Variants in GRID1 observed in about 807,000 individuals in gnomAD.
GRID1 encodes glutamate receptor ionotropic, delta-1.
In GRID1, 28 loss-of-function variants were observed where a neutral mutation model predicts 98.0. That is an observed-to-expected ratio of 0.29 (90% CI 0.21 to 0.39). The LOEUF (loss-of-function observed/expected upper bound fraction) is 0.39, where lower values mean the gene tolerates loss of function less well. Ranked by LOEUF, GRID1 falls within the 10% of genes least tolerant of loss-of-function variation. GRID1 has a pLI of 1.00. For synonymous variants in GRID1, 553 were observed against 538.5 expected (o/e 1.03, Z -0.37); for missense variants, 1,111 against 1,340.5 (o/e 0.83, Z 2.67).
intron 13 of GRID1, among the ~76,000 whole-genome samples, chr10:85,620,598 A>G (rs1480085657): frequency 1.3e-5 from 2 of 152,198 alleles, no homozygotes; most frequent in Non-Finnish European, 1.5e-5. Context: ...GCACATGTCT[A>G]GAGCCCCCTG....
chr10:86,275,579 C>G (rs1376763102), intron 2 of GRID1, among the ~76,000 whole-genome samples: 1 of 151,954 alleles, frequency 6.6e-6, no homozygotes, highest in Admixed American at 6.6e-5. Context: ...AAAAGATTAA[C>G]ATTAATTTTT....
rs1480387731 is a variant in GRID1 at position 86,365,179 on chromosome 10, C to T, written c.80-1083G>A. 6.6e-6 allele frequency among the ~76,000 whole-genome samples: 1 copy of T among 152,156 alleles called. No individual in the cohort carries two copies. Among genetic ancestry groups the T allele is most frequent in the African/African-American group, 2.4e-5 (1 of 41,442 alleles). On this transcript the variant is annotated intron_variant, in intron 1 of 15. Transcript: ENST00000327946. The surrounding 1 kb of genome is among the most constrained non-coding windows in gnomAD (Gnocchi z 4.8). ...CCAGGGCGGGAAGCAGGTTTGGTCA[C>T]GGGCCCCTGAGGAGGAATCGTAGCT...
Position 85,647,193 on chromosome 10 carries a change from C to A in GRID1, c.2193+9G>T. 6.2e-7 allele frequency: 1 copy of A among 1,613,306 alleles called. No homozygotes were observed. Among genetic ancestry groups the A allele is most frequent in the Non-Finnish European group, 8.5e-7 (1 of 1,179,240 alleles). ...CAGTGCACGTGCCCAAGCGCCAGCT[C>A]CTGCCTACCTTCCTGATGCCTTCTG... is the stretch of plus-strand genomic sequence containing the variant. On this transcript the variant is annotated intron_variant, in intron 13 of 15. Coordinates refer to ENST00000327946, the MANE Select transcript of GRID1 (RefSeq NM_017551.3).
chr10:85,699,790 A>T lies in GRID1; in HGVS notation c.1997+23213T>A, dbSNP rs145003786. 6.2e-3 allele frequency among the ~76,000 whole-genome samples: 945 copies of T among 152,270 alleles called. 6 individuals are homozygous for T. Among genetic ancestry groups the T allele is most frequent in the South Asian group, 0.02 (95 of 4,824 alleles). Reference sequence around the variant, plus strand: ...GTGCAGATTTGTGGACACAAGACAAATCTCTAATTATAGATTGCCTATCTT... The same window carrying T: ...GTGCAGATTTGTGGACACAAGACAATTCTCTAATTATAGATTGCCTATCTT... On this transcript the variant is annotated intron_variant, in intron 12 of 15. Coordinates refer to ENST00000327946, the MANE Select transcript of GRID1 (RefSeq NM_017551.3).
chr10:85,897,529 CAT>C (rs1841310643), intron 5 of GRID1, among the ~76,000 whole-genome samples: 1 of 152,186 alleles, frequency 6.6e-6, no homozygotes, highest in Non-Finnish European at 1.5e-5. Flanking sequence ...GCTCGGAAAA[CAT>C]ATCATCATGC....
At chr10:86,176,002 C>T (rs113119814) in intron 3 of GRID1, among the ~76,000 whole-genome samples, 2,970 of 152,246 alleles carry the variant, frequency 0.02, 85 homozygotes, top group East Asian at 0.08. Context: ...AGCCACCACA[C>T]CCGGCCTAAT....
intron 15 of GRID1, chr10:85,607,102 C>A (rs1842676870): frequency 6.6e-6 from 1 of 152,202 alleles, no homozygotes; most frequent in Non-Finnish European, 1.5e-5. Context: ...GACAGATGCA[C>A]CAACAGAGGT....
At chr10:86,238,138 A>T (rs1846570557) in intron 2 of GRID1, among the ~76,000 whole-genome samples, 1 of 152,252 alleles carries the variant, frequency 6.6e-6, no homozygotes, top group Non-Finnish European at 1.5e-5. Flanking sequence ...GAATTCAAGC[A>T]GGCTGCAGAA....
rs371486795 is a variant in GRID1 at position 86,354,828 on chromosome 10, A to G, written c.235+9113T>C. 9.2e-5 allele frequency among the ~76,000 whole-genome samples: 14 copies of G among 152,332 alleles called. No individual in the cohort carries two copies. The East Asian group carries it at 1.5e-3, about 17-fold the overall frequency. ...GTGCCGTGACAGGCCACAGGTTCCC[A>G]GAGCCCCAGCCTATACAGATGGCTC... On this transcript the variant is annotated intron_variant, in intron 2 of 15. Transcript: ENST00000327946.
At chr10:86,286,567 C>T (rs941158546) in intron 2 of GRID1, among the ~76,000 whole-genome samples, 5 of 152,194 alleles carry the variant, frequency 3.3e-5, no homozygotes, top group African/African-American at 1.2e-4. Flanking sequence ...CCACAAATGG[C>T]TTCTCCGTGG....
chr10:85,896,474 GAACTTC>G (rs1280952337), intron 5 of GRID1, among the ~76,000 whole-genome samples: 1 of 152,124 alleles, frequency 6.6e-6, no homozygotes, highest in African/African-American at 2.4e-5. Flanking sequence ...GACCTTTTCT[GAACTTC>G]AACTTCATCA....
chr10:85,822,867 G>T (rs746839238), intron 8 of GRID1, among the ~76,000 whole-genome samples: 8 of 152,208 alleles, frequency 5.3e-5, no homozygotes, highest in Non-Finnish European at 7.3e-5. Flanking sequence ...CATAAAAAAT[G>T]TTGTGTTCAC....
At chr10:85,806,902 A>G (rs1842627622) in intron 8 of GRID1, among the ~76,000 whole-genome samples, 1 of 152,168 alleles carries the variant, frequency 6.6e-6, no homozygotes, top group Admixed American at 6.5e-5. Flanking sequence ...TAATCATGCA[A>G]TCAAAATGGG....
chr10:86,227,896 C>T (rs1355215168), intron 2 of GRID1, among the ~76,000 whole-genome samples: 2 of 152,166 alleles, frequency 1.3e-5, no homozygotes, highest in Non-Finnish European at 2.9e-5. Flanking sequence ...ATGGTAGATA[C>T]ATAGTAAACA....
chr10:85,846,536 A>G (rs1408147688), intron 8 of GRID1, among the ~76,000 whole-genome samples: 1 of 152,248 alleles, frequency 6.6e-6, no homozygotes, highest in Admixed American at 6.5e-5. Context: ...AAAGTAATAA[A>G]TAAATAAGAA....
chr10:85,805,338 AAAAAT>A lies in GRID1; in HGVS notation c.1233+49153_1233+49157del, dbSNP rs1431845516. On this transcript the variant is annotated intron_variant, in intron 8 of 15. Transcript: ENST00000327946. Reference sequence around the variant, plus strand: ...TGTGTACTAAAAAACTATTGATGAGAAAAATAAAATAAAACCTAAATAAATGAAAA... The same window carrying A: ...TGTGTACTAAAAAACTATTGATGAGAAAAATAAAACCTAAATAAATGAAAA... Among the ~76,000 whole-genome samples the A allele has an allele frequency of 4.6e-5, 7 of 151,814 alleles. No homozygotes were observed. In the South Asian group the frequency reaches 8.3e-4, roughly 18 times the overall value.
chr10:86,178,183 C>T (rs925069843), intron 3 of GRID1, among the ~76,000 whole-genome samples: 5 of 152,230 alleles, frequency 3.3e-5, no homozygotes, highest in Admixed American at 6.5e-5. Context: ...TAGTGGCCAA[C>T]TCACCAGAAA....
intron 2 of GRID1, among the ~76,000 whole-genome samples, chr10:86,307,751 G>C (rs943857063): frequency 2.6e-5 from 4 of 152,114 alleles, no homozygotes; most frequent in South Asian, 4.2e-4. Flanking sequence ...GCCTGATTCT[G>C]GTGATCACTT....
At chr10:85,942,735 A>G (rs969435992) in intron 4 of GRID1, among the ~76,000 whole-genome samples, 1 of 152,214 alleles carries the variant, frequency 6.6e-6, no homozygotes, top group African/African-American at 2.4e-5. Context: ...GAAATTCCAA[A>G]GCTGAAATTA....
Sources: allele counts gnomAD v4.1 joint callset (sites outside exome capture counted in the v4.1 genomes callset), GRCh38; gene constraint gnomAD v4.1.1; non-coding constraint Gnocchi (gnomAD v3.1); transcripts MANE v1.5; gene names NCBI Gene and HGNC (gene_info 2026-07-23, HGNC 2026-07-21).